The following BBS9 variants were observed in gnomAD, a reference collection of about 807,000 sequenced individuals.
BBS9 encodes Bardet-Biedl syndrome 9.
In BBS9, 89 loss-of-function variants were observed where a neutral mutation model predicts 117.7. That is an observed-to-expected ratio of 0.76 (90% CI 0.64 to 0.90). The LOEUF (loss-of-function observed/expected upper bound fraction) is 0.90. Ranked by LOEUF, BBS9 falls within the 40% of genes least tolerant of loss-of-function variation. The pLI, the probability that BBS9 is intolerant of heterozygous loss-of-function variation, is 0.00. For missense variants in BBS9, 982 were observed against 1,042.2 expected (o/e 0.94, Z 0.80); for synonymous variants, 379 against 370.9 (o/e 1.02, Z -0.25).
At chr7:33,531,450 A>C (rs1850566800) in intron 20 of BBS9, among the ~76,000 whole-genome samples, 1 of 152,170 alleles carries the variant, frequency 6.6e-6, no homozygotes, top group African/African-American at 2.4e-5. Flanking sequence ...TGGGATACCT[A>C]CACTCCAAGC....
intron 21 of BBS9, among the ~76,000 whole-genome samples, chr7:33,588,136 T>C (rs1402125745): frequency 6.6e-6 from 1 of 152,180 alleles, no homozygotes; most frequent in Non-Finnish European, 1.5e-5. Flanking sequence ...TGGGATCTTA[T>C]TTCTTCTCTG....
chr7:33,554,726 T>A (rs1855015536), intron 21 of BBS9, among the ~76,000 whole-genome samples: 1 of 152,178 alleles, frequency 6.6e-6, no homozygotes, highest in Admixed American at 6.5e-5. Flanking sequence ...GGGCTGCAGA[T>A]GGACTGTCAG....
At position 33,357,835 on chromosome 7, in the gene BBS9, A is replaced by G. The variant is rs763229204; in HGVS notation, c.1553-20A>G. Reference sequence around the variant, plus strand: ...TTATTTGTCAAGTCTATGAATCTACATATCTCTCTTTTATTTTAGGCATTC... The same window carrying G: ...TTATTTGTCAAGTCTATGAATCTACGTATCTCTCTTTTATTTTAGGCATTC... On this transcript the variant is annotated intron_variant, in intron 15 of 22. Coordinates refer to ENST00000242067, the MANE Select transcript of BBS9 (RefSeq NM_198428.3). 22 of 1,607,238 alleles carry G rather than the reference A, an allele frequency of 1.4e-5. No homozygotes were observed. Among genetic ancestry groups the G allele is most frequent in the Non-Finnish European group, 1.7e-5 (20 of 1,174,350 alleles).
intron 7 of BBS9, 54 bp from the exon 8 acceptor site, chr7:33,272,958 A>T: frequency 6.4e-7 from 1 of 1,555,102 alleles, no homozygotes; most frequent in Non-Finnish European, 8.9e-7. Context: ...ATATGAAAAT[A>T]ACTGAAATTT....
At chr7:33,567,388 C>A (rs1231924099) in intron 21 of BBS9, among the ~76,000 whole-genome samples, 2 of 152,136 alleles carry the variant, frequency 1.3e-5, no homozygotes, top group Non-Finnish European at 2.9e-5. Context: ...CTGAAATCAC[C>A]TACCTTGTTA....
Position 33,439,492 on chromosome 7 carries a change from C to T in BBS9, c.2115+51348C>T, listed in dbSNP as rs115248267. ...AAGCATTCCTGTCTCCATAAGCCTG[C>T]GCCCACATCCACTTTTTCCACTTTT... is the stretch of plus-strand genomic sequence containing the variant. On this transcript the variant is annotated intron_variant, in intron 19 of 22. Coordinates refer to ENST00000242067, the MANE Select transcript of BBS9 (RefSeq NM_198428.3). Among the ~76,000 whole-genome samples, 1,088 of 151,402 alleles carry T rather than the reference C, an allele frequency of 7.2e-3. 7 individuals carry two copies. Among genetic ancestry groups the T allele is most frequent in the African/African-American group, 0.017 (707 of 41,270 alleles).
At chr7:33,270,136 A>G (rs1388999966) in intron 7 of BBS9, among the ~76,000 whole-genome samples, 1 of 152,206 alleles carries the variant, frequency 6.6e-6, no homozygotes, top group Non-Finnish European at 1.5e-5. Flanking sequence ...ACCAAAGGCA[A>G]GAATTTAGCT....
At chr7:33,353,837 T>C (rs1163025828) in intron 15 of BBS9, among the ~76,000 whole-genome samples, 1 of 152,012 alleles carries the variant, frequency 6.6e-6, no homozygotes, top group Non-Finnish European at 1.5e-5. Context: ...TTAATAGAAG[T>C]AAACGATTAG....
At chr7:33,572,839 C>A (rs1323593041) in intron 21 of BBS9, among the ~76,000 whole-genome samples, 1 of 151,926 alleles carries the variant, frequency 6.6e-6, no homozygotes, top group Non-Finnish European at 1.5e-5. Flanking sequence ...TCTTGTCTAT[C>A]AATCAACTAT....
intron 21 of BBS9, among the ~76,000 whole-genome samples, chr7:33,611,706 TAA>T (rs956264738): frequency 8.6e-5 from 12 of 138,868 alleles, no homozygotes; most frequent in African/African-American, 3.2e-4. Flanking sequence ...TTAATATATA[TAA>T]GGTGTATTAT....
At chr7:33,345,390 C>G (rs1426807434) in intron 12 of BBS9, among the ~76,000 whole-genome samples, 1 of 152,204 alleles carries the variant, frequency 6.6e-6, no homozygotes, top group Non-Finnish European at 1.5e-5. Context: ...TGGCAATTCA[C>G]TTAGTCAAAA....
intron 1 of BBS9, among the ~76,000 whole-genome samples, chr7:33,134,379 A>C (rs866416860): frequency 8.6e-5 from 13 of 151,116 alleles, no homozygotes; most frequent in Middle Eastern, 3.2e-3. Context: ...GCATCTTTTT[A>C]TGTTCTTATT....
intron 19 of BBS9, among the ~76,000 whole-genome samples, chr7:33,497,736 T>C (rs1199081891): frequency 1.3e-5 from 2 of 152,152 alleles, no homozygotes; most frequent in Non-Finnish European, 2.9e-5. Context: ...TACAAGCTTT[T>C]CATCAAGCTT....
chr7:33,601,191 G>T (rs751375615), intron 21 of BBS9, among the ~76,000 whole-genome samples: 3 of 152,160 alleles, frequency 2.0e-5, no homozygotes, highest in Non-Finnish European at 2.9e-5. Context: ...GCACACAGTA[G>T]GTCCATGGGA....
chr7:33,333,669 G>T (rs1369335422), intron 9 of BBS9, among the ~76,000 whole-genome samples: 1 of 151,740 alleles, frequency 6.6e-6, no homozygotes, highest in Non-Finnish European at 1.5e-5. Context: ...AGGCTGGAGT[G>T]CAGTGGTCTC....
At chr7:33,178,606 A>T (rs1797669207) in intron 5 of BBS9, among the ~76,000 whole-genome samples, 1 of 152,134 alleles carries the variant, frequency 6.6e-6, no homozygotes, top group Non-Finnish European at 1.5e-5. Context: ...GTGCATATGT[A>T]TCTATGTTCC....
chr7:33,359,928 CT>C (rs1279525184), intron 16 of BBS9, among the ~76,000 whole-genome samples: 7 of 152,174 alleles, frequency 4.6e-5, no homozygotes, highest in Admixed American at 3.9e-4. Context: ...AGTAATTCTA[CT>C]ATCCAGCAAT....
intron 21 of BBS9, among the ~76,000 whole-genome samples, chr7:33,569,925 T>C (rs1374021113): frequency 6.6e-6 from 1 of 152,216 alleles, no homozygotes; most frequent in African/African-American, 2.4e-5. Flanking sequence ...ACATACCTGG[T>C]GCCCAGATTT....
At chr7:33,385,940 T>C (rs1223504434) in intron 18 of BBS9, among the ~76,000 whole-genome samples, 2 of 152,038 alleles carry the variant, frequency 1.3e-5, no homozygotes, top group Non-Finnish European at 2.9e-5. Flanking sequence ...AAGAGAACAC[T>C]TGGACACAGG....
Sources: gnomAD v4.1 joint callset for allele counts (sites outside exome capture counted in the v4.1 genomes callset) on GRCh38, gnomAD v4.1.1 for gene constraint, MANE v1.5 for transcripts, NCBI Gene and HGNC (gene_info 2026-07-23, HGNC 2026-07-21) for gene names.